Variants in KLF12 observed in about 807,000 individuals in gnomAD.
The protein encoded by KLF12 is KLF transcription factor 12.
A neutral mutation model predicts 37.8 loss-of-function variants in KLF12; 9 were observed. That is an observed-to-expected ratio of 0.24 (90% confidence interval 0.14 to 0.42). The LOEUF (loss-of-function observed/expected upper bound fraction) is 0.42, where lower values mean the gene tolerates loss of function less well. Among genes scored for constraint, KLF12 ranks in the 10% least tolerant of loss-of-function variants. The pLI, the probability that KLF12 is intolerant of heterozygous loss-of-function variation, is 1.00. For synonymous variants in KLF12, 208 were observed against 202.1 expected, an observed-to-expected ratio of 1.03 and a Z score of -0.25; for missense variants, 411 against 516.0, an observed-to-expected ratio of 0.80 and a Z score of 1.97.
chr13:74,108,266 C>T (rs1437001875), intron 1 of KLF12, among the ~76,000 whole-genome samples: 1 of 151,966 alleles, frequency 6.6e-6, no homozygotes, highest in Non-Finnish European at 1.5e-5. Context: ...TACTTAGAGT[C>T]TCTTTGGATA....
At chr13:73,990,486 G>A (rs946165800) in intron 2 of KLF12, among the ~76,000 whole-genome samples, 4 of 152,166 alleles carry the variant, frequency 2.6e-5, no homozygotes, top group African/African-American at 9.7e-5. Context: ...CCATATTTCT[G>A]AGGGAAGTAA....
chr13:74,072,603 C>T (rs1874336591), intron 1 of KLF12, among the ~76,000 whole-genome samples: 1 of 151,634 alleles, frequency 6.6e-6, no homozygotes, highest in Non-Finnish European at 1.5e-5. Context: ...GGTGTGGTGG[C>T]ACATGCCTAT....
At chr13:73,961,218 T>G (rs1891013503) in intron 2 of KLF12, among the ~76,000 whole-genome samples, 1 of 152,138 alleles carries the variant, frequency 6.6e-6, no homozygotes, top group Non-Finnish European at 1.5e-5. Context: ...CCTAGAGAGT[T>G]ATTATGAAGA....
At chr13:74,220,618 C>T in the KLF12 span, among the ~76,000 whole-genome samples, 1 of 152,186 alleles carries the variant, frequency 6.6e-6, no homozygotes, top group Non-Finnish European at 1.5e-5. Flanking sequence ...TACAACAGAT[C>T]TCTTGAACTC....
intron 3 of KLF12, among the ~76,000 whole-genome samples, chr13:73,921,663 A>C (rs1353281857): frequency 6.6e-6 from 1 of 152,218 alleles, no homozygotes; most frequent in Admixed American, 6.5e-5. Flanking sequence ...TGAGATATAT[A>C]CAAGATATAT....
chr13:73,917,749 G>T (rs1888913770), intron 3 of KLF12, among the ~76,000 whole-genome samples: 1 of 152,172 alleles, frequency 6.6e-6, no homozygotes, highest in South Asian at 2.1e-4. Context: ...CAAGTATCCT[G>T]CTTTGAGTGT....
intron 3 of KLF12, among the ~76,000 whole-genome samples, chr13:73,876,152 TAA>T (rs66733197): frequency 0.3 from 36,038 of 120,072 alleles, 4,945 homozygotes; most frequent in East Asian, 0.58. Context: ...TCAGCTAAAA[TAA>T]AAAAAAAAAA....
chr13:74,078,177 G>A (rs1419036894), intron 1 of KLF12, among the ~76,000 whole-genome samples: 2 of 152,312 alleles, frequency 1.3e-5, no homozygotes, highest in East Asian at 3.9e-4. Context: ...GATTTACACA[G>A]TGGATCTTAA....
intron 3 of KLF12, among the ~76,000 whole-genome samples, chr13:73,896,606 C>A (rs1182838089): frequency 6.6e-6 from 1 of 152,136 alleles, no homozygotes; most frequent in African/African-American, 2.4e-5. Flanking sequence ...GAGTTTACAT[C>A]CCCATCTAAT....
chr13:73,695,981 A>G (rs1253671873), intron 7 of KLF12, among the ~76,000 whole-genome samples: 1 of 152,156 alleles, frequency 6.6e-6, no homozygotes, highest in East Asian at 1.9e-4. Context: ...AAAAGAAATT[A>G]CTAAAGCTTT....
chr13:74,175,612 T>C, the KLF12 span, among the ~76,000 whole-genome samples: 1 of 152,182 alleles, frequency 6.6e-6, no homozygotes, highest in South Asian at 2.1e-4. Flanking sequence ...TTCAAAAGCT[T>C]GAGCCATCAT....
intron 3 of KLF12, among the ~76,000 whole-genome samples, chr13:73,937,280 T>C (rs751068319): frequency 3.3e-5 from 5 of 152,074 alleles, no homozygotes; most frequent in African/African-American, 9.7e-5. Flanking sequence ...AGAAAACACA[T>C]CTACAGAGAA....
At chr13:73,968,326 A>G (rs989644054) in intron 2 of KLF12, among the ~76,000 whole-genome samples, 1 of 152,232 alleles carries the variant, frequency 6.6e-6, no homozygotes, top group Non-Finnish European at 1.5e-5. Context: ...ATACCTTATG[A>G]CATCTATTTG....
chr13:73,726,305 C>A (rs537129521), intron 6 of KLF12, among the ~76,000 whole-genome samples: 1 of 152,316 alleles, frequency 6.6e-6, no homozygotes, highest in South Asian at 2.1e-4. Context: ...ACTCACACAT[C>A]ATGAAGTCAT....
intron 5 of KLF12, chr13:73,801,003 C>T (rs891400626): frequency 6.6e-6 from 1 of 152,052 alleles, no homozygotes; most frequent in South Asian, 2.1e-4. Context: ...TAGATTTTAA[C>T]CAGCTGACGA....
intron 3 of KLF12, among the ~76,000 whole-genome samples, chr13:73,931,755 T>C (rs1366925391): frequency 2.0e-5 from 3 of 152,046 alleles, no homozygotes; most frequent in Non-Finnish European, 4.4e-5. Context: ...AATATATCTA[T>C]GATCAGAACC....
At chr13:73,927,883 G>A (rs1178116106) in intron 3 of KLF12, among the ~76,000 whole-genome samples, 1 of 120,758 alleles carries the variant, frequency 8.3e-6, no homozygotes, top group Admixed American at 9.8e-5. Flanking sequence ...TTTTCAGACA[G>A]AGTCTCACTC....
intron 2 of KLF12, among the ~76,000 whole-genome samples, chr13:73,990,804 C>T (rs1217566495): frequency 1.3e-5 from 2 of 151,560 alleles, no homozygotes; most frequent in Non-Finnish European, 1.5e-5. Context: ...TTCATTCCAT[C>T]AGAAGCAAAC....
chr13:74,283,417 G>A, the KLF12 span, among the ~76,000 whole-genome samples: 1 of 152,168 alleles, frequency 6.6e-6, no homozygotes, highest in Non-Finnish European at 1.5e-5. Flanking sequence ...ACATACAAAT[G>A]TGAATAAGTC....
Sources: gnomAD v4.1 joint callset for allele counts (sites outside exome capture counted in the v4.1 genomes callset) on GRCh38, gnomAD v4.1.1 for gene constraint, MANE v1.5 for transcripts, NCBI Gene and HGNC (gene_info 2026-07-23, HGNC 2026-07-21) for gene names.